Variants in ABCA13 observed in about 807,000 individuals in gnomAD.
ABCA13 encodes ATP binding cassette subfamily A member 13, also known as ATP-binding cassette sub-family A member 13.
A neutral mutation model predicts 478.7 loss-of-function variants in ABCA13; 476 were observed. The observed-to-expected ratio is 0.99, with a 90% CI of 0.92 to 1.07. The LOEUF is 1.07. ABCA13 is among the 50% of genes least tolerant of loss of function. The pLI is 0.00. For missense variants in ABCA13, 6,060 were observed against 5,910.6 expected (o/e 1.03, Z -0.83); for synonymous variants, 2,252 against 2,158.9 (o/e 1.04, Z -1.20).
At chr7:48,261,867 G>A (rs1184228169) in intron 15 of ABCA13, among the ~76,000 whole-genome samples, 1 of 151,890 alleles carries the variant, frequency 6.6e-6, no homozygotes, top group African/African-American at 2.4e-5. Flanking sequence ...CACTAGAATG[G>A]TGATGGAAAG....
chr7:48,631,274 G>T (rs1794139865), intron 59 of ABCA13, among the ~76,000 whole-genome samples: 1 of 151,906 alleles, frequency 6.6e-6, no homozygotes, highest in South Asian at 2.1e-4. Flanking sequence ...TTTCTTCTAT[G>T]ATTTTTTTAG....
At chr7:48,498,036 G>A (rs142102994) in intron 48 of ABCA13, among the ~76,000 whole-genome samples, 7 of 152,280 alleles carry the variant, frequency 4.6e-5, no homozygotes, top group Non-Finnish European at 1.0e-4. Flanking sequence ...ATGAGAAGTA[G>A]AGTGGCGGCT....
At chr7:48,400,607 G>T (rs1323827884) in intron 38 of ABCA13, among the ~76,000 whole-genome samples, 1 of 152,088 alleles carries the variant, frequency 6.6e-6, no homozygotes, top group Non-Finnish European at 1.5e-5. Flanking sequence ...AAAACTTCTG[G>T]CCAGTGTTTA....
chr7:48,341,130 C>T (rs1807095305), intron 29 of ABCA13, among the ~76,000 whole-genome samples: 1 of 152,160 alleles, frequency 6.6e-6, no homozygotes, highest in South Asian at 2.1e-4. Context: ...CAGAGTCAGG[C>T]TATGCATTAT....
At chr7:48,555,133 A>G (rs1016058187) in intron 55 of ABCA13, among the ~76,000 whole-genome samples, 1 of 151,888 alleles carries the variant, frequency 6.6e-6, no homozygotes, top group Non-Finnish European at 1.5e-5. Flanking sequence ...GATGTATCAC[A>G]TTGATTGATT....
intron 38 of ABCA13, among the ~76,000 whole-genome samples, chr7:48,399,586 C>G (rs1055857568): frequency 4.6e-5 from 7 of 152,158 alleles, no homozygotes. Flanking sequence ...TAGGATGTAA[C>G]TTGGTTGTGA....
intron 48 of ABCA13, among the ~76,000 whole-genome samples, chr7:48,505,056 G>A (rs1831081347): frequency 1.3e-5 from 2 of 152,162 alleles, no homozygotes; most frequent in Non-Finnish European, 2.9e-5. Context: ...CAGGTGTCAG[G>A]CACACACACT....
intron 43 of ABCA13, among the ~76,000 whole-genome samples, chr7:48,463,776 C>T (rs10230786): frequency 7.9e-4 from 84 of 106,462 alleles, no homozygotes; most frequent in African/African-American, 3.4e-3. Flanking sequence ...GGGAAAAGAA[C>T]GGAATGGAAT....
intron 55 of ABCA13, among the ~76,000 whole-genome samples, chr7:48,528,693 T>C (rs868111500): frequency 1.3e-5 from 2 of 152,146 alleles, no homozygotes; most frequent in Non-Finnish European, 2.9e-5. Context: ...TATTCTCCTC[T>C]GGATAAAACT....
intron 42 of ABCA13, among the ~76,000 whole-genome samples, chr7:48,454,407 A>G (rs1369170608): frequency 1.3e-5 from 2 of 152,234 alleles, no homozygotes; most frequent in Non-Finnish European, 2.9e-5. Flanking sequence ...TGATCAGTAG[A>G]TGAATGATGC....
chr7:48,466,385 G>A (rs894615015), intron 43 of ABCA13, among the ~76,000 whole-genome samples: 1 of 152,210 alleles, frequency 6.6e-6, no homozygotes, highest in Non-Finnish European at 1.5e-5. Context: ...ATGTGTGCCA[G>A]TAAAATTTAA....
chr7:48,473,269 T>G (rs1827711235), intron 45 of ABCA13, among the ~76,000 whole-genome samples: 1 of 152,164 alleles, frequency 6.6e-6, no homozygotes, highest in South Asian at 2.1e-4. Context: ...AGGCTAGCTC[T>G]TCTTATCTAT....
intron 41 of ABCA13, among the ~76,000 whole-genome samples, chr7:48,425,007 C>T (rs1014608994): frequency 6.6e-6 from 1 of 152,176 alleles, no homozygotes; most frequent in African/African-American, 2.4e-5. Context: ...TTAGGCTTGC[C>T]TTTCACTGTT....
chr7:48,567,380 A>G (rs1421845858), intron 55 of ABCA13, among the ~76,000 whole-genome samples: 3 of 152,124 alleles, frequency 2.0e-5, no homozygotes, highest in Non-Finnish European at 2.9e-5. Context: ...GAATATCTGA[A>G]TATGTATTCC....
chr7:48,261,848 A>C (rs973918607), intron 15 of ABCA13, among the ~76,000 whole-genome samples: 1 of 151,940 alleles, frequency 6.6e-6, no homozygotes, highest in African/African-American at 2.4e-5. Flanking sequence ...TTCATATTTA[A>C]AAATGAGGCA....
chr7:48,320,438 A>C (rs1258126332), intron 27 of ABCA13, among the ~76,000 whole-genome samples: 1 of 152,204 alleles, frequency 6.6e-6, no homozygotes, highest in African/African-American at 2.4e-5. Flanking sequence ...AACTATTTTA[A>C]CAGGAGTTAA....
chr7:48,360,777 G>T (rs536429868), intron 31 of ABCA13, among the ~76,000 whole-genome samples: 2 of 151,874 alleles, frequency 1.3e-5, no homozygotes, highest in Admixed American at 6.6e-5. Flanking sequence ...AACTATTTAC[G>T]CAGTACTTAT....
At chr7:48,585,205 T>C (rs924706465) in intron 56 of ABCA13, among the ~76,000 whole-genome samples, 13 of 152,222 alleles carry the variant, frequency 8.5e-5, no homozygotes, top group Non-Finnish European at 1.6e-4. Flanking sequence ...TAAAACGTTT[T>C]GTTTTGATAT....
chr7:48,479,435 A>G (rs1828528156), intron 45 of ABCA13, among the ~76,000 whole-genome samples: 1 of 151,964 alleles, frequency 6.6e-6, no homozygotes, highest in Admixed American at 6.6e-5. Context: ...ATGGGGTTTC[A>G]TCATGTTGCC....
Sources: allele counts gnomAD v4.1 joint callset (sites outside exome capture counted in the v4.1 genomes callset), GRCh38; gene constraint gnomAD v4.1.1; transcripts MANE v1.5; gene names NCBI Gene and HGNC (gene_info 2026-07-23, HGNC 2026-07-21).